The following YY1 variants were observed in gnomAD, a reference collection of about 807,000 sequenced individuals.
The protein encoded by YY1 is YY1 transcription factor.
Under a neutral mutation model 35.6 loss-of-function variants are expected in YY1, and 2 were observed. That is an observed-to-expected ratio of 0.06 (90% CI 0.02 to 0.18). YY1 has a LOEUF of 0.18. Among genes scored for constraint, YY1 ranks in the 10% least tolerant of loss-of-function variants. The pLI, the probability that YY1 is intolerant of heterozygous loss-of-function variation, is 1.00. For synonymous variants in YY1, 268 were observed against 238.9 expected (o/e 1.12, Z -1.12); for missense variants, 322 against 573.4 (o/e 0.56, Z 4.48).
chr14:100,267,022 A>C (rs1485903096), intron 2 of YY1, among the ~76,000 whole-genome samples: 3 of 152,204 alleles, frequency 2.0e-5, no homozygotes, highest in African/African-American at 7.2e-5. Flanking sequence ...TTAGAATAGA[A>C]AGTTGGCTGG....
At chr14:100,273,415 A>C (rs1254760236) in intron 2 of YY1, among the ~76,000 whole-genome samples, 1 of 152,126 alleles carries the variant, frequency 6.6e-6, no homozygotes, top group East Asian at 1.9e-4. Flanking sequence ...CGGCTTCCCG[A>C]GTGGTTGGGA....
In YY1 at chr14:100,262,310, A is replaced by G. The variant is rs752271338; in HGVS notation, c.686A>G (p.Lys229Arg). The G allele has an allele frequency of 1.4e-5, 22 of 1,613,658 alleles. No individual in the cohort carries two copies. Among genetic ancestry groups the G allele is most frequent in the Non-Finnish European group, 1.9e-5 (22 of 1,180,020 alleles). Residue 229 changes from lysine (K) to arginine (R), a missense_variant, in exon 2 of 5, where the codon AAA (lysine) becomes AGA (arginine). Around this residue, in one of 4 missense-constraint regions of YY1, gnomAD observed 152 missense variants for 167.1 expected, o/e 0.91. Transcript: ENST00000262238. ...ATCTCATGATGTGTTTCAGATGAAA[A>G]AAAAGATATTGACCATGAGACAGTG... ...FSVTMWSSDE[K>R]KDIDHETVVE...
At position 100,281,087 on chromosome 14, in the gene YY1, A is replaced by AG. The variant is rs1891420070; in HGVS notation, c.*3489dup. On this transcript the variant is annotated 3_prime_UTR_variant, in exon 5 of 5. Coordinates refer to ENST00000262238, the MANE Select transcript of YY1 (RefSeq NM_003403.5). ...AAAAAAAAAAAAAAAAAAAAAAAAAAGGAAACCTGACAATTCTACCCACCT... is the reference window on the plus strand; with the variant it reads ...AAAAAAAAAAAAAAAAAAAAAAAAAAGGGAAACCTGACAATTCTACCCACCT... The AG allele has an allele frequency of 6.7e-6, 1 of 148,336 alleles. No individual in the cohort carries two copies. Among genetic ancestry groups the AG allele is most frequent in the Non-Finnish European group, 1.5e-5 (1 of 67,326 alleles). 9.2% of individuals were successfully genotyped at this position (148,336 alleles called of 1,614,324 possible). A position where few individuals can be genotyped will look rare whatever the true frequency, so the allele number is the denominator to read the frequency against.
Position 100,239,518 on chromosome 14 carries a change from G to C in YY1, c.274G>C (p.Asp92His). 2 of 1,611,498 alleles carry C rather than the reference G, an allele frequency of 1.2e-6. No homozygotes were observed. Among genetic ancestry groups the C allele is most frequent in the Non-Finnish European group, 1.7e-6 (2 of 1,179,498 alleles). The change falls in exon 1 of 5, where the codon GAC (aspartate) becomes CAC (histidine). Residue 92 changes from aspartate (D) to histidine (H), a missense_variant. Around this residue, in one of 4 missense-constraint regions of YY1, gnomAD observed 137 missense variants for 167.0 expected, o/e 0.82. Coordinates refer to ENST00000262238, the MANE Select transcript of YY1 (RefSeq NM_003403.5). ...PMIALQPLVT[D>H]DPTQVHHHQE... ...GATCGCTCTGCAGCCGCTGGTCACC[G>C]ACGACCCGACCCAGGTGCACCACCA...
At chr14:100,273,300 A>T (rs1250472373) in intron 2 of YY1, among the ~76,000 whole-genome samples, 1 of 151,474 alleles carries the variant, frequency 6.6e-6, no homozygotes, top group South Asian at 2.1e-4. Flanking sequence ...TTATTTTTTT[A>T]AATCCAATAC....
rs1301371029 is a variant in YY1 at position 100,278,448 on chromosome 14, A to G, written c.*848A>G. 1 of 152,690 alleles carries G rather than the reference A, an allele frequency of 6.5e-6. No homozygotes were observed. The highest frequency in any genetic ancestry group is 1.5e-5 in the Non-Finnish European group (1 of 68,048). The allele number at this position is 152,690 out of a possible 1,614,324, so 9.5% of individuals were successfully genotyped here. ...ATCCCATGTAACAGAAAGGGCAACA[A>G]TAAAATAGCAATCCTAAAGCAAGAA... is the stretch of plus-strand genomic sequence containing the variant. On this transcript the variant is annotated 3_prime_UTR_variant, in exon 5 of 5. Transcript: ENST00000262238.
At chr14:100,269,657 A>C (rs1891205360) in intron 2 of YY1, among the ~76,000 whole-genome samples, 1 of 152,200 alleles carries the variant, frequency 6.6e-6, no homozygotes, top group African/African-American at 2.4e-5. Flanking sequence ...ATAAAATCTT[A>C]AAAGTACCAA....
intron 2 of YY1, among the ~76,000 whole-genome samples, chr14:100,271,190 T>C (rs1191063962): frequency 6.6e-6 from 1 of 152,210 alleles, no homozygotes; most frequent in African/African-American, 2.4e-5. Flanking sequence ...GAGCTTGCAG[T>C]GAGCTGAGAT....
chr14:100,255,328 G>A (rs937318253), intron 1 of YY1, among the ~76,000 whole-genome samples: 1 of 152,056 alleles, frequency 6.6e-6, no homozygotes, highest in Non-Finnish European at 1.5e-5. Context: ...TTATTTGAAA[G>A]TGTGGGAGGG....
At chr14:100,260,979 A>G (rs1891079341) in intron 1 of YY1, among the ~76,000 whole-genome samples, 1 of 148,922 alleles carries the variant, frequency 6.7e-6, no homozygotes, top group Non-Finnish European at 1.5e-5. Flanking sequence ...TTTTTTGTGG[A>G]GATGGGGTCT....
chr14:100,260,809 T>C (rs1416187429), intron 1 of YY1, among the ~76,000 whole-genome samples: 1 of 92,698 alleles, frequency 1.1e-5, no homozygotes, highest in African/African-American at 4.5e-5. Flanking sequence ...TTTTTTTTTT[T>C]TGGAGGCAGA....
At chr14:100,251,739 C>T (rs1014752938) in intron 1 of YY1, among the ~76,000 whole-genome samples, 2 of 152,134 alleles carry the variant, frequency 1.3e-5, no homozygotes, top group African/African-American at 4.8e-5. Flanking sequence ...GGTATCCTTC[C>T]TCCCTCCCTC....
chr14:100,264,926 T>C (rs1891131993), intron 2 of YY1, among the ~76,000 whole-genome samples: 1 of 151,066 alleles, frequency 6.6e-6, no homozygotes, highest in Non-Finnish European at 1.5e-5. Context: ...CTGGGCAAAA[T>C]GATGAGACTC....
chr14:100,256,233 T>C (rs781642717), intron 1 of YY1, among the ~76,000 whole-genome samples: 1 of 152,214 alleles, frequency 6.6e-6, no homozygotes, highest in Non-Finnish European at 1.5e-5. Flanking sequence ...TACATGCATA[T>C]TTAGTTGCCT....
At chr14:100,269,139 G>A (rs908893482) in intron 2 of YY1, among the ~76,000 whole-genome samples, 2 of 152,146 alleles carry the variant, frequency 1.3e-5, no homozygotes, top group Non-Finnish European at 2.9e-5. Context: ...TGCGTTGAGG[G>A]GTGTGTTCCT....
At chr14:100,247,711 G>A (rs567894038) in intron 1 of YY1, among the ~76,000 whole-genome samples, 2 of 152,206 alleles carry the variant, frequency 1.3e-5, no homozygotes, top group Non-Finnish European at 2.9e-5. Flanking sequence ...ATAACAGCAC[G>A]TAAGGGGAGC....
At chr14:100,250,039 C>T (rs1359471520) in intron 1 of YY1, among the ~76,000 whole-genome samples, 1 of 152,182 alleles carries the variant, frequency 6.6e-6, no homozygotes, top group Non-Finnish European at 1.5e-5. Flanking sequence ...TTCCAAAGTG[C>T]TGGGATTACA....
Position 100,277,405 on chromosome 14 carries a change from C to T in YY1, c.1063-13C>T. Reference sequence around the variant, plus strand: ...GTTGCTGAGTGGGTTGATCTCTGGTCTTTCCTTGACAGTGCACGTTCGAAG... The same window carrying T: ...GTTGCTGAGTGGGTTGATCTCTGGTTTTTCCTTGACAGTGCACGTTCGAAG... On this transcript the variant is annotated splice_polypyrimidine_tract_variant and intron_variant, in intron 4 of 4. Transcript: ENST00000262238. The surrounding 1 kb of genome is among the most constrained non-coding windows in gnomAD (Gnocchi z 5.6). The T allele has an allele frequency of 3.4e-5, 55 of 1,614,200 alleles. No individual in the cohort carries two copies. The highest frequency in any genetic ancestry group is 4.7e-5 in the Non-Finnish European group (55 of 1,180,042).
chr14:100,241,503 G>T (rs575892269), intron 1 of YY1, among the ~76,000 whole-genome samples: 61 of 152,308 alleles, frequency 4.0e-4, no homozygotes, highest in African/African-American at 1.3e-3. Flanking sequence ...TAATAGGAAG[G>T]TGCTAACAGG....
Sources: allele counts gnomAD v4.1 joint callset (sites outside exome capture counted in the v4.1 genomes callset), GRCh38; gene constraint gnomAD v4.1.1; regional missense constraint gnomAD v4.1.1; non-coding constraint Gnocchi (gnomAD v3.1); transcripts MANE v1.5; gene names NCBI Gene and HGNC (gene_info 2026-07-23, HGNC 2026-07-21).